NELL1: variants seen among roughly 807,000 people sequenced by gnomAD.
The protein encoded by NELL1 is neural EGFL like 1.
A neutral mutation model predicts 107.4 loss-of-function variants in NELL1; 76 were observed. That is an observed-to-expected ratio of 0.71 (90% CI 0.59 to 0.86). The LOEUF is 0.86. NELL1 is among the 40% of genes least tolerant of loss of function. The pLI, the probability that NELL1 is intolerant of heterozygous loss-of-function variation, is 0.00. For synonymous variants in NELL1, 353 were observed against 341.2 expected, an observed-to-expected ratio of 1.03 and a Z score of -0.38; for missense variants, 1,024 against 1,005.5, an observed-to-expected ratio of 1.02 and a Z score of -0.25.
chr11:21,074,565 A>G (rs1283011846), intron 12 of NELL1, among the ~76,000 whole-genome samples: 1 of 152,170 alleles, frequency 6.6e-6, no homozygotes, highest in Admixed American at 6.6e-5. Context: ...GTAGTGATTC[A>G]TAACTCTAAC....
chr11:20,958,280 G>A (rs1357635830), intron 11 of NELL1, among the ~76,000 whole-genome samples: 1 of 151,974 alleles, frequency 6.6e-6, no homozygotes, highest in Non-Finnish European at 1.5e-5. Flanking sequence ...TGGGCCTGGT[G>A]GCACGCACCT....
At chr11:21,069,698 G>T (rs1780047907) in intron 12 of NELL1, among the ~76,000 whole-genome samples, 1 of 152,180 alleles carries the variant, frequency 6.6e-6, no homozygotes. Context: ...ATTATTTGTA[G>T]AATTTTAGTA....
intron 2 of NELL1, among the ~76,000 whole-genome samples, chr11:20,702,216 G>T (rs532168389): frequency 2.0e-4 from 31 of 152,170 alleles, no homozygotes; most frequent in African/African-American, 6.5e-4. Flanking sequence ...CCTTGAAGAG[G>T]TCCTTCACAT....
intron 2 of NELL1, among the ~76,000 whole-genome samples, chr11:20,739,635 A>C (rs1855842709): frequency 6.6e-6 from 1 of 152,170 alleles, no homozygotes; most frequent in African/African-American, 2.4e-5. Context: ...TCCTTGCTCA[A>C]GTGACCTGCA....
intron 12 of NELL1, among the ~76,000 whole-genome samples, chr11:20,973,716 C>T (rs376163981): frequency 1.2e-3 from 178 of 152,194 alleles, no homozygotes; most frequent in Non-Finnish European, 2.1e-3. Context: ...TAAGAAACCT[C>T]GTGTCCTCCT....
chr11:21,027,914 C>A (rs1055191627), intron 12 of NELL1, among the ~76,000 whole-genome samples: 1 of 152,086 alleles, frequency 6.6e-6, no homozygotes, highest in South Asian at 2.1e-4. Flanking sequence ...CTGAGCTGTG[C>A]TTCATGCAAT....
intron 15 of NELL1, among the ~76,000 whole-genome samples, chr11:21,478,579 A>T (rs1854407503): frequency 6.6e-6 from 1 of 152,098 alleles, no homozygotes; most frequent in Admixed American, 6.6e-5. Context: ...AAACTCCTAA[A>T]AGAAAACATT....
At chr11:21,344,206 A>C (rs1850636088) in intron 14 of NELL1, among the ~76,000 whole-genome samples, 1 of 152,180 alleles carries the variant, frequency 6.6e-6, no homozygotes, top group Admixed American at 6.5e-5. Context: ...TGAACTGTTT[A>C]TTGAAAGCTG....
chr11:21,529,420 T>C (rs1014407966), intron 15 of NELL1, among the ~76,000 whole-genome samples: 1 of 152,234 alleles, frequency 6.6e-6, no homozygotes, highest in Non-Finnish European at 1.5e-5. Flanking sequence ...TGTTTCTGCC[T>C]CAGGGTCTTT....
chr11:20,857,247 A>T, intron 4 of NELL1, among the ~76,000 whole-genome samples: 1 of 152,136 alleles, frequency 6.6e-6, no homozygotes, highest in East Asian at 1.9e-4. Context: ...AAAGGCAAAC[A>T]GTGTGAGAGA....
chr11:21,116,567 C>A (rs1395491244), intron 13 of NELL1, among the ~76,000 whole-genome samples: 1 of 151,916 alleles, frequency 6.6e-6, no homozygotes, highest in Admixed American at 6.6e-5. Flanking sequence ...TCCACTTCTA[C>A]AAACCTCCTT....
chr11:21,235,490 A>C (rs1858182504), intron 14 of NELL1, among the ~76,000 whole-genome samples: 1 of 152,138 alleles, frequency 6.6e-6, no homozygotes, highest in African/African-American at 2.4e-5. Flanking sequence ...GAGCCAGTTA[A>C]AATTTCCCAC....
chr11:21,334,014 C>A (rs1389390141), intron 14 of NELL1, among the ~76,000 whole-genome samples: 1 of 152,034 alleles, frequency 6.6e-6, no homozygotes, highest in Non-Finnish European at 1.5e-5. Flanking sequence ...GAAATTTCTG[C>A]ATGTGCATTG....
chr11:21,215,960 G>C (rs1857603856), intron 13 of NELL1, among the ~76,000 whole-genome samples: 1 of 152,144 alleles, frequency 6.6e-6, no homozygotes, highest in Admixed American at 6.5e-5. Context: ...TCCAGGGCAT[G>C]TCAGAGACTT....
intron 15 of NELL1, 59 bp downstream of exon 15, chr11:21,371,007 A>G: frequency 8.2e-7 from 1 of 1,224,076 alleles, no homozygotes. Context: ...ATTGATTCAG[A>G]AAGAATAACA....
intron 15 of NELL1, among the ~76,000 whole-genome samples, chr11:21,512,716 G>C (rs1426412176): frequency 6.6e-6 from 1 of 151,514 alleles, no homozygotes; most frequent in Admixed American, 6.6e-5. Context: ...AGACAAGGGA[G>C]ACAAGGATGA....
chr11:20,730,102 CACTAACTGCAAGGTACCATGT>C (rs529980619), intron 2 of NELL1, among the ~76,000 whole-genome samples: 156 of 152,302 alleles, frequency 1.0e-3, no homozygotes, highest in African/African-American at 3.6e-3. Context: ...ACTAATGGCT[CACTAACTGCAAGGTACCATGT>C]AGGAACTGTG....
At chr11:21,552,380 A>G (rs1856613635) in intron 16 of NELL1, among the ~76,000 whole-genome samples, 1 of 151,830 alleles carries the variant, frequency 6.6e-6, no homozygotes, top group Admixed American at 6.6e-5. Context: ...GTCTGCTCAG[A>G]GGAGTCTGAC....
intron 15 of NELL1, among the ~76,000 whole-genome samples, chr11:21,474,558 A>G (rs1029261286): frequency 6.6e-6 from 1 of 152,088 alleles, no homozygotes; most frequent in Admixed American, 6.6e-5. Context: ...GAGAGGTTGA[A>G]AATTTATGCA....
Sources: gnomAD v4.1 joint callset for allele counts (sites outside exome capture counted in the v4.1 genomes callset) on GRCh38, gnomAD v4.1.1 for gene constraint, MANE v1.5 for transcripts, NCBI Gene and HGNC (gene_info 2026-07-23, HGNC 2026-07-21) for gene names.